PPM1E: variants seen among roughly 807,000 people sequenced by gnomAD.
PPM1E encodes the protein protein phosphatase, Mg2+/Mn2+ dependent 1E.
A neutral mutation model predicts 65.9 loss-of-function variants in PPM1E; 20 were observed. That is an observed-to-expected ratio of 0.30 (90% confidence interval 0.21 to 0.44). The LOEUF (loss-of-function observed/expected upper bound fraction) is 0.44, where lower values mean the gene tolerates loss of function less well. PPM1E is among the 20% of genes least tolerant of loss of function. The probability of loss-of-function intolerance (pLI) is 1.00; values close to 1 mark genes in which losing one functional copy is unlikely to be tolerated. For missense variants in PPM1E, 713 were observed against 953.1 expected, an observed-to-expected ratio of 0.75 and a Z score of 3.32; for synonymous variants, 352 against 374.9, an observed-to-expected ratio of 0.94 and a Z score of 0.70.
chr17:58,912,921 T>A (rs1375854784), intron 1 of PPM1E, among the ~76,000 whole-genome samples: 1 of 152,204 alleles, frequency 6.6e-6, no homozygotes, highest in Non-Finnish European at 1.5e-5. Context: ...CTTCTTGTGC[T>A]GAGGAGGGTA....
At position 58,792,605 on chromosome 17, in the gene PPM1E, G is replaced by A. The variant is rs2050166471; in HGVS notation, c.464+36144G>A. ...GATCTGACCGCCTTGGGCTCCTAAA[G>A]TGCTGAATGCTGGGACTACAAGCGT... On this transcript the variant is annotated intron_variant, in intron 1 of 6. Transcript: ENST00000308249. Among the ~76,000 whole-genome samples the A allele has an allele frequency of 1.3e-5, 2 of 151,714 alleles. 1 individual carries two copies. Among genetic ancestry groups the A allele is most frequent in the South Asian group, 4.2e-4 (2 of 4,808 alleles).
At chr17:58,845,055 A>T (rs2050757506) in intron 1 of PPM1E, among the ~76,000 whole-genome samples, 1 of 152,198 alleles carries the variant, frequency 6.6e-6, no homozygotes, top group Admixed American at 6.5e-5. Flanking sequence ...TTCCTCCATT[A>T]TGGTAAGCTT....
chr17:58,922,456 G>T (rs1052886409), intron 1 of PPM1E, among the ~76,000 whole-genome samples: 2 of 151,914 alleles, frequency 1.3e-5, no homozygotes, highest in African/African-American at 2.4e-5. Flanking sequence ...ATATTGCTAT[G>T]TTGCTGAGAC....
chr17:58,842,358 T>C (rs891819408), intron 1 of PPM1E, among the ~76,000 whole-genome samples: 18 of 152,188 alleles, frequency 1.2e-4, no homozygotes, highest in Non-Finnish European at 2.4e-4. Flanking sequence ...AATCAAACTA[T>C]GGACCAGTTA....
intron 1 of PPM1E, among the ~76,000 whole-genome samples, chr17:58,797,064 C>A (rs995092140): frequency 5.3e-5 from 8 of 152,076 alleles, no homozygotes; most frequent in African/African-American, 1.4e-4. Context: ...GCTGAGATCA[C>A]GCCACTTCAC....
At chr17:58,758,914 A>G (rs1861827828) in intron 1 of PPM1E, among the ~76,000 whole-genome samples, 1 of 152,112 alleles carries the variant, frequency 6.6e-6, no homozygotes, top group South Asian at 2.1e-4. Context: ...TACTAAAAAC[A>G]CAATAATTAG....
intron 1 of PPM1E, among the ~76,000 whole-genome samples, chr17:58,856,892 G>C (rs1351093993): frequency 6.6e-6 from 1 of 152,180 alleles, no homozygotes; most frequent in Non-Finnish European, 1.5e-5. Flanking sequence ...ATACAGTCAT[G>C]ATAGTAATTT....
At chr17:58,977,539 AAC>A (rs1307607489) in intron 6 of PPM1E, among the ~76,000 whole-genome samples, 1 of 152,202 alleles carries the variant, frequency 6.6e-6, no homozygotes, top group Non-Finnish European at 1.5e-5. Context: ...GAGTGAAATG[AAC>A]ATTTATAATG....
intron 6 of PPM1E, among the ~76,000 whole-genome samples, chr17:58,973,671 G>A (rs1448060485): frequency 6.6e-6 from 1 of 151,446 alleles, no homozygotes; most frequent in Non-Finnish European, 1.5e-5. Context: ...AAAAAACAAA[G>A]GCCGGGCGCA....
intron 1 of PPM1E, among the ~76,000 whole-genome samples, chr17:58,792,743 C>CTTTTTTTTTTTTTTTTTTT (rs780992600): frequency 1.3e-5 from 1 of 76,382 alleles, no homozygotes; most frequent in African/African-American, 6.4e-5. Flanking sequence ...GAATTTTACT[C>CTTTTTTTTTTTTTTTTTTT]TTTTTTTTTT....
chr17:58,882,106 AG>A (rs2051202246), intron 1 of PPM1E, among the ~76,000 whole-genome samples: 1 of 151,606 alleles, frequency 6.6e-6, no homozygotes, highest in Non-Finnish European at 1.5e-5. Context: ...AGGGAGGTTG[AG>A]GCTGCAGTGA....
At chr17:58,782,620 C>G (rs918306250) in intron 1 of PPM1E, among the ~76,000 whole-genome samples, 5 of 150,432 alleles carry the variant, frequency 3.3e-5, no homozygotes, top group Non-Finnish European at 7.4e-5. Context: ...CCAAGTTGAT[C>G]AGGCTGGTCT....
At chr17:58,925,431 T>G (rs2143549314) in intron 1 of PPM1E, among the ~76,000 whole-genome samples, 1 of 152,080 alleles carries the variant, frequency 6.6e-6, no homozygotes. Flanking sequence ...GGGCTGTTTT[T>G]TTATTTCTTT....
At chr17:58,977,818 C>T (rs1454135065) in intron 6 of PPM1E, among the ~76,000 whole-genome samples, 1 of 152,236 alleles carries the variant, frequency 6.6e-6, no homozygotes, top group Non-Finnish European at 1.5e-5. Flanking sequence ...TCTGGGCTCA[C>T]TGCAACCTCT....
At chr17:58,867,269 C>A (rs532291881) in intron 1 of PPM1E, among the ~76,000 whole-genome samples, 1 of 152,182 alleles carries the variant, frequency 6.6e-6, no homozygotes, top group Non-Finnish European at 1.5e-5. Flanking sequence ...TGAGCCATCG[C>A]GCCCTGCCTG....
intron 1 of PPM1E, among the ~76,000 whole-genome samples, chr17:58,801,317 A>C (rs2050255762): frequency 6.6e-6 from 1 of 152,102 alleles, no homozygotes; most frequent in Non-Finnish European, 1.5e-5. Context: ...CATAGTTTGA[A>C]ACTTGTTTGA....
intron 1 of PPM1E, among the ~76,000 whole-genome samples, chr17:58,803,245 A>G (rs926635343): frequency 2.3e-4 from 35 of 152,148 alleles, no homozygotes; most frequent in African/African-American, 2.4e-5. Flanking sequence ...ACGAAGGTAC[A>G]TTCCTTCAAT....
chr17:58,808,449 CTTTAA>C (rs1359662004), intron 1 of PPM1E, among the ~76,000 whole-genome samples: 1 of 151,854 alleles, frequency 6.6e-6, no homozygotes, highest in Non-Finnish European at 1.5e-5. Flanking sequence ...GTCTTAATGT[CTTTAA>C]TTTAATTTTA....
At chr17:58,886,163 C>T (rs1037057585) in intron 1 of PPM1E, among the ~76,000 whole-genome samples, 1 of 152,090 alleles carries the variant, frequency 6.6e-6, no homozygotes, top group East Asian at 1.9e-4. Context: ...ATTTGATTGT[C>T]CTTGAGGATT....
Sources: gnomAD v4.1 joint callset for allele counts (sites outside exome capture counted in the v4.1 genomes callset) on GRCh38, gnomAD v4.1.1 for gene constraint, MANE v1.5 for transcripts, NCBI Gene and HGNC (gene_info 2026-07-23, HGNC 2026-07-21) for gene names.